M1AP: variants seen among roughly 807,000 people sequenced by gnomAD.
The protein encoded by M1AP is meiosis 1 arrest protein.
In M1AP, 39 loss-of-function variants were observed where a neutral mutation model predicts 51.2. The ratio of observed to expected loss-of-function variants is 0.76; its 90% confidence interval spans 0.59 to 1.00. The LOEUF is 1.00. Ranked by LOEUF, M1AP falls within the 50% of genes least tolerant of loss-of-function variation. M1AP has a pLI of 0.00. For synonymous variants in M1AP, 251 were observed against 249.2 expected, an observed-to-expected ratio of 1.01 and a Z score of -0.07; for missense variants, 545 against 641.2, an observed-to-expected ratio of 0.85 and a Z score of 1.62.
intron 2 of M1AP, among the ~76,000 whole-genome samples, chr2:74,637,282 A>G (rs1460751888): frequency 1.3e-5 from 2 of 152,124 alleles, no homozygotes; most frequent in African/African-American, 4.8e-5. Flanking sequence ...TTCCTCTCTA[A>G]AAGTTTGATT....
At chr2:74,589,411 T>C (rs1679909618) in intron 4 of M1AP, among the ~76,000 whole-genome samples, 1 of 152,220 alleles carries the variant, frequency 6.6e-6, no homozygotes, top group Non-Finnish European at 1.5e-5. Context: ...ATTATTGCAA[T>C]TTGGTATTGC....
intron 5 of M1AP, chr2:74,576,996 T>C (rs1679113728): frequency 4.1e-6 from 3 of 736,276 alleles, no homozygotes; most frequent in African/African-American, 3.7e-5. Flanking sequence ...TGCCAAAATA[T>C]GCAGAGGCCC....
At chr2:74,589,299 G>A (rs967884441) in intron 4 of M1AP, among the ~76,000 whole-genome samples, 3 of 152,064 alleles carry the variant, frequency 2.0e-5, no homozygotes, top group African/African-American at 7.2e-5. Context: ...AGGAAGTGAG[G>A]ACTAGCTAAT....
At chr2:74,625,227 G>A (rs1023810039) in intron 2 of M1AP, among the ~76,000 whole-genome samples, 1 of 152,094 alleles carries the variant, frequency 6.6e-6, no homozygotes, top group Non-Finnish European at 1.5e-5. Flanking sequence ...TCTGAAAACT[G>A]ACTGTGTATA....
At chr2:74,632,426 C>T (rs1682757313) in intron 2 of M1AP, among the ~76,000 whole-genome samples, 4 of 152,186 alleles carry the variant, frequency 2.6e-5, no homozygotes, top group Admixed American at 2.6e-4. Flanking sequence ...TCTGTCAAGA[C>T]CTCCTTGTGG....
At chr2:74,570,122 C>T (rs904204422) in intron 7 of M1AP, among the ~76,000 whole-genome samples, 2 of 152,008 alleles carry the variant, frequency 1.3e-5, no homozygotes, top group African/African-American at 2.4e-5. Flanking sequence ...GACTAAGCCA[C>T]GTAGGGGCCA....
rs1393716115 is a variant in M1AP at position 74,619,076 on chromosome 2, A to G, written c.241-3927T>C. 1.9e-5 allele frequency: 8 copies of G among 425,908 alleles called. No individual in the cohort carries two copies. In the East Asian group the frequency reaches 4.5e-4, roughly 24 times the overall value. 26.4% of individuals were successfully genotyped at this position (425,908 alleles called of 1,614,324 possible). On this transcript the variant is annotated intron_variant, in intron 2 of 10. Transcript: ENST00000421985. ...TGATTAAGGTTTTGTTGATCAGTCC[A>G]TTGCACCACAGACCACTGTGCTTAT...
At chr2:74,611,893 T>G (rs1439870915) in intron 3 of M1AP, among the ~76,000 whole-genome samples, 4 of 78,092 alleles carry the variant, frequency 5.1e-5, no homozygotes, top group Admixed American at 1.3e-4. Context: ...TTTTTTTTTT[T>G]TTTTTTTTTT....
intron 4 of M1AP, among the ~76,000 whole-genome samples, chr2:74,601,760 C>A (rs1011249699): frequency 3.3e-5 from 5 of 152,054 alleles, no homozygotes; most frequent in Admixed American, 2.6e-4. Context: ...TTAAAGCTAA[C>A]CTTTTCATAT....
At chr2:74,621,544 G>A (rs1343764838) in intron 2 of M1AP, among the ~76,000 whole-genome samples, 2 of 152,006 alleles carry the variant, frequency 1.3e-5, no homozygotes, top group Non-Finnish European at 2.9e-5. Context: ...CTAGCACTTT[G>A]GGAGGCCGAG....
intron 4 of M1AP, among the ~76,000 whole-genome samples, chr2:74,601,990 T>C (rs1056083478): frequency 6.6e-6 from 1 of 152,198 alleles, no homozygotes; most frequent in African/African-American, 2.4e-5. Flanking sequence ...TTGCTTTTGA[T>C]GTATTTCTCT....
intron 5 of M1AP, among the ~76,000 whole-genome samples, chr2:74,578,634 C>T (rs1316871773): frequency 2.6e-5 from 4 of 152,132 alleles, no homozygotes; most frequent in African/African-American, 9.7e-5. Context: ...GTGGCAGACA[C>T]CATACCTAAG....
chr2:74,648,105 C>G, intron 1 of M1AP, 160 bp downstream of exon 1: 2 of 984,092 alleles, frequency 2.0e-6, no homozygotes. Flanking sequence ...GATTTCGGAG[C>G]CTCTCTCGGC....
intron 7 of M1AP, among the ~76,000 whole-genome samples, chr2:74,569,910 G>A (rs539495961): frequency 3.6e-4 from 39 of 108,192 alleles, no homozygotes; most frequent in Admixed American, 2.1e-3. Context: ...GTGTGCATGC[G>A]TGTGTGTGTG....
At chr2:74,640,458 A>G in intron 1 of M1AP, 131 bp from the exon 2 acceptor site, 1 of 730,600 alleles carries the variant, frequency 1.4e-6, no homozygotes, top group South Asian at 2.1e-5. Flanking sequence ...TGTCCAGGCC[A>G]TCCTATTTTT....
intron 2 of M1AP, among the ~76,000 whole-genome samples, chr2:74,629,479 G>A (rs13413978): frequency 0.08 from 12,136 of 152,194 alleles, 1,359 homozygotes; most frequent in African/African-American, 0.25. Context: ...TAGGCTGGGC[G>A]CGGTGGCTCA....
At chr2:74,648,010 G>A in intron 1 of M1AP, 2 of 985,502 alleles carry the variant, frequency 2.0e-6, no homozygotes, top group Non-Finnish European at 2.4e-6. Context: ...CTCGGGCCTG[G>A]GGGCCCCGCG....
chr2:74,584,512 A>G (rs1362531819), intron 4 of M1AP, among the ~76,000 whole-genome samples: 1 of 151,484 alleles, frequency 6.6e-6, no homozygotes, highest in Non-Finnish European at 1.5e-5. Flanking sequence ...AGTAGAGAAG[A>G]TAAACTTGCT....
intron 2 of M1AP, among the ~76,000 whole-genome samples, chr2:74,634,346 A>G (rs1201602740): frequency 6.6e-6 from 1 of 152,226 alleles, no homozygotes; most frequent in Non-Finnish European, 1.5e-5. Context: ...TCCCTCTCAG[A>G]AATCCAGGCT....
Sources: gnomAD v4.1 joint callset for allele counts (sites outside exome capture counted in the v4.1 genomes callset) on GRCh38, gnomAD v4.1.1 for gene constraint, MANE v1.5 for transcripts, NCBI Gene and HGNC (gene_info 2026-07-23, HGNC 2026-07-21) for gene names.